OR2T1: variants seen among roughly 807,000 people sequenced by gnomAD.
OR2T1 encodes the protein olfactory receptor 2T1.
For synonymous variants in OR2T1, 186 were observed against 145.4 expected (o/e 1.28, Z -2.01); for missense variants, 440 against 390.2 (o/e 1.13, Z -1.07).
intron 1 of OR2T1, among the ~76,000 whole-genome samples, chr1:248,404,245 G>GGCTATTACATATACGTGTGTGTGTATAAA: frequency 1.7e-4 from 25 of 151,074 alleles, no homozygotes; most frequent in East Asian, 5.8e-4. Context: ...AGACAGCAGA[G>GGCTATTACATATACGTGTGTGTGTATAAA]ACCACTGTTT....
intron 1 of OR2T1, among the ~76,000 whole-genome samples, chr1:248,405,736 A>G (rs1661539712): frequency 6.6e-6 from 1 of 152,198 alleles, no homozygotes; most frequent in South Asian, 2.1e-4. Context: ...GGTGATGCCA[A>G]CCATACAAAG....
chr1:248,403,999 T>TTA lies in OR2T1; in HGVS notation c.-34+769_-34+770dup, dbSNP rs144768956. On this transcript the variant is annotated intron_variant, in intron 1 of 1. Coordinates refer to ENST00000642005, the MANE Select transcript of OR2T1 (RefSeq NM_030904.2). ...GGGAGGAAATTATGAATGTATATAC[T>TTA]TATATATATATATATAATGGATAAA... 5.7e-3 allele frequency among the ~76,000 whole-genome samples: 860 copies of TTA among 149,656 alleles called. 10 individuals carry two copies. The highest frequency in any genetic ancestry group is 0.016 in the African/African-American group (635 of 40,962).
rs1661573190 is a variant in OR2T1 at position 248,406,866 on chromosome 1, G to C, written c.719G>C (p.Cys240Ser). The part of the protein sequence containing the change: ...VEGRKKAFAT[C>S]SSHMTVVSLF... ...GGCAGGAAGAAGGCATTTGCCACTT[G>C]CTCATCCCACATGACTGTGGTGTCC... Residue 240 changes from cysteine to serine, a missense_variant, in exon 2 of 2, where the codon TGC (cysteine) becomes TCC (serine). Cys to Ser is a moderately radical substitution (Grantham distance 112). Transcript: ENST00000642005. 6.2e-7 allele frequency: 1 copy of C among 1,614,166 alleles called. No individual in the cohort carries two copies. The highest frequency in any genetic ancestry group is 1.7e-5 in the Admixed American group (1 of 60,018).
chr1:248,406,264 G>A lies in OR2T1; in HGVS notation c.117G>A (p.Met39Ile). 2 of 1,614,054 alleles carry A rather than the reference G, an allele frequency of 1.2e-6. No individual in the cohort carries two copies. Among genetic ancestry groups the A allele is most frequent in the Non-Finnish European group, 1.7e-6 (2 of 1,180,000 alleles). The change falls in exon 2 of 2, where the codon ATG becomes ATA. Residue 39 changes from methionine (M) to isoleucine (I), a missense_variant. Met to Ile is a conservative substitution (Grantham distance 10, BLOSUM62 1). Transcript: ENST00000642005. Reference protein sequence around the residue: ...IISIIFFTALMANGVMIFLIQ... With the variant: ...IISIIFFTALIANGVMIFLIQ... ...CTATCATCTTCTTCACCGCACTGAT[G>A]GCCAATGGGGTTATGATCTTCCTGA...
intron 1 of OR2T1, among the ~76,000 whole-genome samples, chr1:248,404,646 C>A (rs1207264039): frequency 6.7e-6 from 1 of 150,250 alleles, no homozygotes; most frequent in African/African-American, 2.4e-5. Context: ...AAACAGCAAT[C>A]CTGATTATAA....
At position 248,406,622 on chromosome 1, in the gene OR2T1, A is replaced by AC. The variant is rs1318281632; in HGVS notation, c.480dup (p.Ile161HisfsTer14). ...GGGCTCTTTGGATGGCTTCCTCCTA[A>AC]CCCCCATCACCATGAGCTTTCCCTT... On this transcript the variant is annotated frameshift_variant, in exon 2 of 2. Transcript: ENST00000642005. LOFTEE classifies it low-confidence loss of function (END_TRUNC). The AC allele has an allele frequency of 2.5e-6, 4 of 1,613,664 alleles. No homozygotes were observed. The highest frequency in any genetic ancestry group is 3.4e-6 in the Non-Finnish European group (4 of 1,179,908).
chr1:248,407,448 G>A lies in OR2T1; in HGVS notation c.*344G>A, dbSNP rs757196382. 2.0e-5 allele frequency: 5 copies of A among 250,188 alleles called. No homozygotes were observed. Among genetic ancestry groups the A allele is most frequent in the Non-Finnish European group, 3.0e-5 (4 of 132,608 alleles). The allele number at this position is 250,188 out of a possible 1,614,324, so 15.5% of individuals were successfully genotyped here. A position where few individuals can be genotyped will look rare whatever the true frequency, so the allele number is the denominator to read the frequency against. Reference sequence around the variant, plus strand: ...TCTGACTGTATGTCATAAGACCTCTGTTTCAAAAGAGGTCTTCTCTCATAC... The same window carrying A: ...TCTGACTGTATGTCATAAGACCTCTATTTCAAAAGAGGTCTTCTCTCATAC... On this transcript the variant is annotated 3_prime_UTR_variant, in exon 2 of 2. Transcript: ENST00000642005.
chr1:248,406,183 T>G lies in OR2T1; in HGVS notation c.36T>G (p.Thr12=). Residue 12 remains threonine (T), a synonymous_variant, in exon 2 of 2, where the codon ACT becomes ACG. Transcript: ENST00000642005. ...ACAACACATCCTCTACAGACTTCACTTTCATGGGGCTGTTCAACAGAAAGG... is the reference window on the plus strand; with the variant it reads ...ACAACACATCCTCTACAGACTTCACGTTCATGGGGCTGTTCAACAGAAAGG... ...EEYNTSSTDF[T]FMGLFNRKET... is the part of the protein sequence containing the mutation. 8 of 1,614,028 alleles carry G rather than the reference T, an allele frequency of 5.0e-6. No homozygotes were observed. Among genetic ancestry groups the G allele is most frequent in the Non-Finnish European group, 6.8e-6 (8 of 1,179,964 alleles).
At chr1:248,404,957 T>C (rs1444744400) in intron 1 of OR2T1, among the ~76,000 whole-genome samples, 2 of 152,128 alleles carry the variant, frequency 1.3e-5, no homozygotes, top group African/African-American at 4.8e-5. Flanking sequence ...CACTTCTTAG[T>C]TTTATTGTGA....
rs1402506794 is a variant in OR2T1, at chr1:248,406,243, C to A, written c.96C>A (p.Ile32=). The change falls in exon 2 of 2, where the codon ATC becomes ATA. Residue 32 remains isoleucine, a synonymous_variant. Transcript: ENST00000642005. ...TSGLIFAIIS[I]IFFTALMANG... is the part of the protein sequence containing the mutation. ...GTCTTATTTTTGCCATCATCTCTATCATCTTCTTCACCGCACTGATGGCCA... is the reference window on the plus strand; with the variant it reads ...GTCTTATTTTTGCCATCATCTCTATAATCTTCTTCACCGCACTGATGGCCA... 1 of 1,614,018 alleles carries A rather than the reference C, an allele frequency of 6.2e-7. No homozygotes were observed. The highest frequency in any genetic ancestry group is 1.7e-5 in the Admixed American group (1 of 59,982).
At chr1:248,406,057 A>C (rs149888596) in intron 1 of OR2T1, 58 bp from the exon 2 acceptor site, 8 of 1,613,538 alleles carry the variant, frequency 5.0e-6, no homozygotes, top group Middle Eastern at 1.7e-4. Context: ...GCTGCCTAAC[A>C]ATTAATTCAC....
intron 1 of OR2T1, among the ~76,000 whole-genome samples, chr1:248,405,441 C>T (rs1159227324): frequency 6.6e-6 from 1 of 152,192 alleles, no homozygotes; most frequent in African/African-American, 2.4e-5. Flanking sequence ...GCTAATTCCT[C>T]ATCATCTTAA....
In OR2T1 at chr1:248,407,597, A is replaced by G. The variant is rs1047961827; in HGVS notation, c.*493A>G. ...CTTTGTTCAATCATATTTCTGTGCA[A>G]TTGTCCATGCTTCAATCATGACTAT... On this transcript the variant is annotated 3_prime_UTR_variant, in exon 2 of 2. Transcript: ENST00000642005. The G allele has an allele frequency of 6.5e-6, 1 of 154,964 alleles. No homozygotes were observed. The allele number at this position is 154,964 out of a possible 1,614,324, so 9.6% of individuals were successfully genotyped here. A position where few individuals can be genotyped will look rare whatever the true frequency, so the allele number is the denominator to read the frequency against.
intron 1 of OR2T1, among the ~76,000 whole-genome samples, chr1:248,404,245 G>GGCTATTACATATACGTGTGTGTGT: frequency 1.5e-4 from 23 of 151,066 alleles, no homozygotes; most frequent in South Asian, 4.2e-4. Flanking sequence ...AGACAGCAGA[G>GGCTATTACATATACGTGTGTGTGT]ACCACTGTTT....
At position 248,406,769 on chromosome 1, in the gene OR2T1, AT is replaced by A. The variant is rs1661570678; in HGVS notation, c.624del (p.Pro209LeufsTer4). On this transcript the variant is annotated frameshift_variant, in exon 2 of 2. Transcript: ENST00000642005. LOFTEE classifies it low-confidence loss of function (END_TRUNC). The stretch of plus-strand genomic sequence containing the variant: ...TGTGTGCTGTGTTTTGATGCTGCTG[AT>A]TCCTTTCTCTGTAGTCCTTGCTTCC... The part of the protein sequence containing the change: ...MYVCCVLMLL[I>X]PFSVVLASYA... 1.9e-6 allele frequency: 3 copies of A among 1,614,018 alleles called. No homozygotes were observed. Among genetic ancestry groups the A allele is most frequent in the Non-Finnish European group, 2.5e-6 (3 of 1,180,012 alleles).
chr1:248,404,482 G>A (rs1661511757), intron 1 of OR2T1, among the ~76,000 whole-genome samples: 1 of 148,376 alleles, frequency 6.7e-6, no homozygotes, highest in African/African-American at 2.5e-5. Context: ...TGATGACATT[G>A]TACATAGTAT....
chr1:248,407,453 A>G lies in OR2T1; in HGVS notation c.*349A>G, dbSNP rs1661587093. The G allele has an allele frequency of 8.2e-6, 2 of 244,298 alleles. No individual in the cohort carries two copies. The highest frequency in any genetic ancestry group is 8.4e-5 in the East Asian group (1 of 11,866). The allele number at this position is 244,298 out of a possible 1,614,324, so 15.1% of individuals were successfully genotyped here. On this transcript the variant is annotated 3_prime_UTR_variant, in exon 2 of 2. Coordinates refer to ENST00000642005, the MANE Select transcript of OR2T1 (RefSeq NM_030904.2). The stretch of plus-strand genomic sequence containing the variant: ...CTGTATGTCATAAGACCTCTGTTTC[A>G]AAAGAGGTCTTCTCTCATACCCTGG...
rs752268692 is a variant in OR2T1 at position 248,406,901 on chromosome 1, G to A, written c.754G>A (p.Gly252Arg). The A allele has an allele frequency of 1.8e-5, 29 of 1,613,868 alleles. No homozygotes were observed. The highest frequency in any genetic ancestry group is 2.2e-5 in the East Asian group (1 of 44,894). The stretch of plus-strand genomic sequence containing the variant: ...CATGACTGTGGTGTCCTTGTTCTAC[G>A]GGGCTGCCATGTACACCTACATGCT... Reference protein sequence around the residue: ...SHMTVVSLFYGAAMYTYMLPH... With the variant: ...SHMTVVSLFYRAAMYTYMLPH... The change falls in exon 2 of 2, where the codon GGG (glycine) becomes AGG (arginine). Residue 252 changes from glycine (G) to arginine (R), a missense_variant. Transcript: ENST00000642005.
chr1:248,407,416 T>C lies in OR2T1; in HGVS notation c.*312T>C. 3.1e-6 allele frequency: 1 copy of C among 325,082 alleles called. No homozygotes were observed. Among genetic ancestry groups the C allele is most frequent in the African/African-American group, 2.1e-5 (1 of 46,714 alleles). The allele number at this position is 325,082 out of a possible 1,614,324, so 20.1% of individuals were successfully genotyped here. A position where few individuals can be genotyped will look rare whatever the true frequency, so the allele number is the denominator to read the frequency against. ...TTTGGTCACAAAGAAATTATCTGAC[T>C]ACCTTGTCTGACTGTATGTCATAAG... On this transcript the variant is annotated 3_prime_UTR_variant, in exon 2 of 2. Coordinates refer to ENST00000642005, the MANE Select transcript of OR2T1 (RefSeq NM_030904.2).
Sources: allele counts gnomAD v4.1 joint callset (sites outside exome capture counted in the v4.1 genomes callset), GRCh38; gene constraint gnomAD v4.1.1; transcripts MANE v1.5; gene names NCBI Gene and HGNC (gene_info 2026-07-23, HGNC 2026-07-21).